The following EYS variants were observed in gnomAD, a reference collection of about 807,000 sequenced individuals.
The protein encoded by EYS is EGF-like photoreceptor maintenance factor.
A neutral mutation model predicts 282.1 loss-of-function variants in EYS; 250 were observed. That is an observed-to-expected ratio of 0.89 (90% confidence interval 0.80 to 0.98). The LOEUF is 0.98. Ranked by LOEUF, EYS falls within the 50% of genes least tolerant of loss-of-function variation. EYS has a pLI of 0.00. For missense variants in EYS, 4,016 were observed against 3,709.0 expected (o/e 1.08, Z -2.15); for synonymous variants, 1,355 against 1,282.9 (o/e 1.06, Z -1.20).
intron 39 of EYS, among the ~76,000 whole-genome samples, chr6:63,784,508 G>GC (rs1770315835): frequency 6.6e-6 from 1 of 152,154 alleles, no homozygotes; most frequent in Non-Finnish European, 1.5e-5. Context: ...AGGCCATGCA[G>GC]GAACCATGGC....
intron 12 of EYS, among the ~76,000 whole-genome samples, chr6:65,241,659 G>T (rs763622109): frequency 6.6e-6 from 1 of 151,984 alleles, no homozygotes; most frequent in Non-Finnish European, 1.5e-5. Context: ...ATCAGTTAAA[G>T]GAGTCCAGAA....
chr6:63,723,423 T>A (rs1321852437), intron 42 of EYS, among the ~76,000 whole-genome samples: 1 of 152,202 alleles, frequency 6.6e-6, no homozygotes, highest in African/African-American at 2.4e-5. Flanking sequence ...AAACCAGTTA[T>A]CTTTTGCAAG....
intron 12 of EYS, among the ~76,000 whole-genome samples, chr6:65,272,641 A>G (rs1033821671): frequency 1.3e-5 from 2 of 152,204 alleles, no homozygotes; most frequent in Non-Finnish European, 2.9e-5. Flanking sequence ...TGGAAACAGA[A>G]CTATTAGGAT....
chr6:64,277,300 T>C (rs1022802871), intron 30 of EYS, among the ~76,000 whole-genome samples: 11 of 152,168 alleles, frequency 7.2e-5, no homozygotes, highest in Non-Finnish European at 1.5e-4. Context: ...TAGCATTATA[T>C]ATATGAACAT....
At chr6:64,334,661 C>T (rs1421064620) in intron 29 of EYS, among the ~76,000 whole-genome samples, 2 of 152,072 alleles carry the variant, frequency 1.3e-5, no homozygotes, top group Non-Finnish European at 2.9e-5. Flanking sequence ...ATACAGGCAA[C>T]CCAGAGGAGA....
chr6:65,259,270 T>C (rs1338702103), intron 12 of EYS, among the ~76,000 whole-genome samples: 1 of 151,986 alleles, frequency 6.6e-6, no homozygotes, highest in African/African-American at 2.4e-5. Context: ...TCCCTCCTGG[T>C]GGTAACAAAT....
intron 22 of EYS, among the ~76,000 whole-genome samples, chr6:64,800,394 G>A (rs927842693): frequency 2.0e-5 from 3 of 151,912 alleles, no homozygotes; most frequent in African/African-American, 7.2e-5. Flanking sequence ...CTTTTATTGT[G>A]GAAGAGTTAG....
At chr6:64,444,447 TAAA>T (rs1161553913) in intron 26 of EYS, among the ~76,000 whole-genome samples, 1 of 152,152 alleles carries the variant, frequency 6.6e-6, no homozygotes, top group Non-Finnish European at 1.5e-5. Context: ...TGCCTGACAA[TAAA>T]AAACTCAAAA....
intron 36 of EYS, among the ~76,000 whole-genome samples, chr6:63,846,516 C>T (rs968170016): frequency 6.6e-6 from 1 of 152,098 alleles, no homozygotes; most frequent in South Asian, 2.1e-4. Context: ...TTTAGAATGG[C>T]AAAGAGAATT....
chr6:65,004,281 A>G (rs1771565542), intron 13 of EYS, among the ~76,000 whole-genome samples: 1 of 147,698 alleles, frequency 6.8e-6, no homozygotes, highest in Non-Finnish European at 1.5e-5. Flanking sequence ...TCACAAAAAT[A>G]TAAATGAATT....
At chr6:65,119,900 G>A (rs530080141) in intron 12 of EYS, among the ~76,000 whole-genome samples, 2 of 150,790 alleles carry the variant, frequency 1.3e-5, no homozygotes, top group Non-Finnish European at 3.0e-5. Flanking sequence ...CACTTTGGGA[G>A]GCCGAGGTGG....
At chr6:64,397,081 T>G (rs1174864511) in intron 28 of EYS, among the ~76,000 whole-genome samples, 3 of 152,106 alleles carry the variant, frequency 2.0e-5, no homozygotes, top group African/African-American at 7.2e-5. Context: ...CTTTGCTCAG[T>G]TTTTTTAATT....
At chr6:65,058,753 G>C (rs1773487735) in intron 12 of EYS, among the ~76,000 whole-genome samples, 2 of 150,362 alleles carry the variant, frequency 1.3e-5, no homozygotes, top group South Asian at 4.3e-4. Flanking sequence ...ATACCACTTA[G>C]ATTGCTTAAT....
At chr6:64,558,008 T>G (rs1765285317) in intron 26 of EYS, among the ~76,000 whole-genome samples, 1 of 152,050 alleles carries the variant, frequency 6.6e-6, no homozygotes, top group South Asian at 2.1e-4. Flanking sequence ...TACAGACACT[T>G]TCAACTAACT....
At chr6:63,746,902 G>C (rs139016432) in intron 41 of EYS, among the ~76,000 whole-genome samples, 1 of 151,918 alleles carries the variant, frequency 6.6e-6, no homozygotes, top group African/African-American at 2.4e-5. Context: ...TTATTGATTT[G>C]TTGAAGGGTT....
At chr6:65,094,317 G>GAAAAAAAAAA (rs35028634) in intron 12 of EYS, among the ~76,000 whole-genome samples, 15 of 73,800 alleles carry the variant, frequency 2.0e-4, no homozygotes, top group East Asian at 9.5e-4. Flanking sequence ...ATATCTTAAC[G>GAAAAAAAAAA]AAAAAAAAAA....
chr6:64,986,649 A>G (rs1454614222), intron 14 of EYS, among the ~76,000 whole-genome samples: 3 of 150,274 alleles, frequency 2.0e-5, no homozygotes, highest in African/African-American at 7.3e-5. Flanking sequence ...TCCTCTTAGA[A>G]ACAATTATAA....
At chr6:64,489,477 A>T (rs1377739741) in intron 26 of EYS, among the ~76,000 whole-genome samples, 1 of 149,134 alleles carries the variant, frequency 6.7e-6, no homozygotes, top group Non-Finnish European at 1.5e-5. Context: ...AGAAAAAAGT[A>T]TGCCAATATT....
intron 29 of EYS, among the ~76,000 whole-genome samples, chr6:64,310,516 G>A (rs1364700442): frequency 6.6e-6 from 1 of 152,134 alleles, no homozygotes; most frequent in Admixed American, 6.5e-5. Context: ...ACTTAGAAGT[G>A]GAAGCTAAAG....
Sources: gnomAD v4.1 joint callset for allele counts (sites outside exome capture counted in the v4.1 genomes callset) on GRCh38, gnomAD v4.1.1 for gene constraint, MANE v1.5 for transcripts, NCBI Gene and HGNC (gene_info 2026-07-23, HGNC 2026-07-21) for gene names.